NME8: variants seen among roughly 807,000 people sequenced by gnomAD.
NME8 encodes NME/NM23 family member 8.
NME8 carries 72 observed loss-of-function variants against 82.3 expected under a neutral mutation model. That is an observed-to-expected ratio of 0.87 (90% CI 0.72 to 1.06). The LOEUF is 1.06. Among genes scored for constraint, NME8 ranks in the 50% least tolerant of loss-of-function variants. The pLI, the probability that NME8 is intolerant of heterozygous loss-of-function variation, is 0.00. For synonymous variants in NME8, 267 were observed against 228.5 expected, an observed-to-expected ratio of 1.17 and a Z score of -1.52; for missense variants, 712 against 685.4, an observed-to-expected ratio of 1.04 and a Z score of -0.43.
chr7:37,882,884 A>C (rs1436827914), intron 12 of NME8, among the ~76,000 whole-genome samples: 1 of 152,316 alleles, frequency 6.6e-6, no homozygotes. Flanking sequence ...AAGCAAAATA[A>C]AATATTTATT....
At chr7:37,885,380 G>T in intron 14 of NME8, 128 bp downstream of exon 14, 3 of 713,764 alleles carry the variant, frequency 4.2e-6, no homozygotes, top group Middle Eastern at 2.3e-4. Context: ...CTTTCCTGGG[G>T]ACGGAGTGGA....
chr7:37,887,227 G>T (rs780269915), intron 14 of NME8, among the ~76,000 whole-genome samples: 1 of 152,132 alleles, frequency 6.6e-6, no homozygotes, highest in Non-Finnish European at 1.5e-5. Context: ...GTCTAATGTG[G>T]ATGGTCTGGT....
At chr7:37,889,279 A>G (rs916098643) in intron 15 of NME8, among the ~76,000 whole-genome samples, 39 of 151,684 alleles carry the variant, frequency 2.6e-4, no homozygotes, top group African/African-American at 9.2e-4. Flanking sequence ...ACCATTTCTT[A>G]TTTCATTCTC....
chr7:37,852,627 A>C (rs115013758), intron 5 of NME8, among the ~76,000 whole-genome samples: 2,943 of 152,154 alleles, frequency 0.019, 99 homozygotes, highest in African/African-American at 0.067. Flanking sequence ...GGCTTCTTTT[A>C]CTTAGTGATA....
intron 6 of NME8, among the ~76,000 whole-genome samples, chr7:37,858,083 T>G (rs1056270593): frequency 3.3e-5 from 5 of 152,058 alleles, no homozygotes; most frequent in Admixed American, 2.6e-4. Context: ...AATGAATAAT[T>G]AGAAAGACAT....
chr7:37,864,063 G>A (rs531839439), intron 8 of NME8, among the ~76,000 whole-genome samples: 28 of 152,262 alleles, frequency 1.8e-4, no homozygotes, highest in African/African-American at 6.5e-4. Context: ...TGATTCTTAC[G>A]CATGGGAATT....
intron 12 of NME8, among the ~76,000 whole-genome samples, chr7:37,877,792 C>A (rs532891999): frequency 1.3e-5 from 2 of 152,194 alleles, no homozygotes; most frequent in Non-Finnish European, 2.9e-5. Context: ...GTATCATACC[C>A]CCCTTCCCCT....
chr7:37,895,625 A>G lies in NME8; in HGVS notation c.1544+1015A>G, dbSNP rs537943157. On this transcript the variant is annotated intron_variant, in intron 16 of 17. Transcript: ENST00000199447. Reference sequence around the variant, plus strand: ...TCTATTTTATATATATTACACATCAAAAATTTTCTATACAGTCATGCTTTG... The same window carrying G: ...TCTATTTTATATATATTACACATCAGAAATTTTCTATACAGTCATGCTTTG... 1.2e-4 allele frequency among the ~76,000 whole-genome samples: 18 copies of G among 152,262 alleles called. No homozygotes were observed. The East Asian group carries it at 3.1e-3, about 26-fold the overall frequency.
intron 15 of NME8, among the ~76,000 whole-genome samples, chr7:37,889,412 C>T (rs1785095721): frequency 6.6e-6 from 1 of 150,414 alleles, no homozygotes; most frequent in Non-Finnish European, 1.5e-5. Flanking sequence ...TTCTTATGTT[C>T]TTCTAGCTTT....
In NME8 at chr7:37,852,357, C is replaced by T. The variant is rs1279161962; in HGVS notation, c.198+1622C>T. Among the ~76,000 whole-genome samples the T allele has an allele frequency of 1.3e-5, 2 of 151,826 alleles. 1 individual carries two copies. Among genetic ancestry groups the T allele is most frequent in the Middle Eastern group, 6.3e-3 (2 of 316 alleles). On this transcript the variant is annotated intron_variant, in intron 5 of 17. Coordinates refer to ENST00000199447, the MANE Select transcript of NME8 (RefSeq NM_016616.5). ...GCCTACACTGGCACATCATTATTTA[C>T]CAAAAGCCGTAGTTTACATTAAAGT... is the stretch of plus-strand genomic sequence containing the variant.
intron 11 of NME8, among the ~76,000 whole-genome samples, chr7:37,875,494 T>C (rs1214211191): frequency 6.6e-6 from 1 of 151,988 alleles, no homozygotes; most frequent in African/African-American, 2.4e-5. Context: ...TATGGGACAG[T>C]GTTAACAGTT....
intron 6 of NME8, among the ~76,000 whole-genome samples, chr7:37,857,747 T>C (rs1389103700): frequency 6.6e-6 from 1 of 152,226 alleles, no homozygotes; most frequent in Non-Finnish European, 1.5e-5. Flanking sequence ...TAATACACAT[T>C]ACTCTTATCT....
intron 6 of NME8, among the ~76,000 whole-genome samples, chr7:37,858,388 A>G (rs1182504523): frequency 6.6e-6 from 1 of 152,236 alleles, no homozygotes; most frequent in Non-Finnish European, 1.5e-5. Flanking sequence ...ATGGTAAAAA[A>G]TGCATTGTAG....
intron 11 of NME8, among the ~76,000 whole-genome samples, chr7:37,872,357 T>C (rs1002670659): frequency 2.0e-5 from 3 of 152,002 alleles, no homozygotes; most frequent in African/African-American, 4.8e-5. Context: ...TAAGCCCCAG[T>C]GAGCCATCAA....
At chr7:37,867,403 G>A (rs1408330531) in intron 10 of NME8, among the ~76,000 whole-genome samples, 1 of 151,772 alleles carries the variant, frequency 6.6e-6, no homozygotes, top group Non-Finnish European at 1.5e-5. Flanking sequence ...TGATTTTGGG[G>A]TCCAAGAGAT....
At chr7:37,864,274 A>C in intron 8 of NME8, 74 bp from the exon 9 acceptor site, 1 of 1,509,420 alleles carries the variant, frequency 6.6e-7, no homozygotes, top group Non-Finnish European at 9.0e-7. Context: ...TACATTGCTA[A>C]TTGCCAGATC....
intron 6 of NME8, among the ~76,000 whole-genome samples, chr7:37,858,520 A>G (rs1329723571): frequency 6.6e-6 from 1 of 152,062 alleles, no homozygotes; most frequent in Non-Finnish European, 1.5e-5. Context: ...GAATAATTTC[A>G]GCATGATTAA....
At chr7:37,889,234 T>C (rs1785092529) in intron 15 of NME8, among the ~76,000 whole-genome samples, 1 of 151,916 alleles carries the variant, frequency 6.6e-6, no homozygotes, top group African/African-American at 2.4e-5. Flanking sequence ...TTATCATTAT[T>C]ATATTTCCTC....
At chr7:37,850,213 A>G (rs1202890550) in intron 2 of NME8, 47 bp from the exon 3 acceptor site, 2 of 1,471,546 alleles carry the variant, frequency 1.4e-6, no homozygotes, top group Non-Finnish European at 9.5e-7. Flanking sequence ...AGAAAATGTT[A>G]TTTAAATTTC....
Sources: allele counts gnomAD v4.1 joint callset (sites outside exome capture counted in the v4.1 genomes callset), GRCh38; gene constraint gnomAD v4.1.1; transcripts MANE v1.5; gene names NCBI Gene and HGNC (gene_info 2026-07-23, HGNC 2026-07-21).